Variants in CHD7 observed in about 807,000 individuals in gnomAD.
The protein encoded by CHD7 is chromodomain helicase DNA binding protein 7.
Under a neutral mutation model 307.3 loss-of-function variants are expected in CHD7, and 24 were observed. That is an observed-to-expected ratio of 0.08 (90% CI 0.06 to 0.11). CHD7 has a LOEUF of 0.11. Ranked by LOEUF, CHD7 falls within the 10% of genes least tolerant of loss-of-function variation. CHD7 has a pLI of 1.00. For synonymous variants in CHD7, 1,363 were observed against 1,349.9 expected, an observed-to-expected ratio of 1.01 and a Z score of -0.21; for missense variants, 3,106 against 3,727.1, an observed-to-expected ratio of 0.83 and a Z score of 4.34.
At chr8:60,807,257 G>A (rs184094878) in intron 6 of CHD7, among the ~76,000 whole-genome samples, 28 of 152,298 alleles carry the variant, frequency 1.8e-4, no homozygotes, top group Non-Finnish European at 2.6e-4. Context: ...TGGCTGAACA[G>A]CCATACATGA....
chr8:60,794,932 G>T, intron 3 of CHD7, 54 bp from the exon 4 acceptor site: 1 of 1,500,718 alleles, frequency 6.7e-7, no homozygotes, highest in South Asian at 1.3e-5. Context: ...AAATATAAGA[G>T]ACATGCAGAA....
intron 2 of CHD7, among the ~76,000 whole-genome samples, chr8:60,767,921 C>G (rs754965642): frequency 6.6e-6 from 1 of 152,062 alleles, no homozygotes; most frequent in African/African-American, 2.4e-5. Context: ...AAAGTTACTG[C>G]GAGAAAACCT....
chr8:60,680,482 G>A (rs1805564052), intron 1 of CHD7, among the ~76,000 whole-genome samples: 1 of 150,764 alleles, frequency 6.6e-6, no homozygotes, highest in Non-Finnish European at 1.5e-5. Flanking sequence ...GGAAGGAGCC[G>A]CCGGCCCCGA....
At chr8:60,772,441 G>A (rs961428840) in intron 2 of CHD7, among the ~76,000 whole-genome samples, 8 of 152,146 alleles carry the variant, frequency 5.3e-5, no homozygotes, top group African/African-American at 1.9e-4. Flanking sequence ...ACCAAATTCT[G>A]CATTTCTTCT....
In CHD7 at chr8:60,781,374, A is replaced by T. The variant is rs1811221292; in HGVS notation, c.2040A>T (p.Pro680=). 1 of 1,541,276 alleles carries T rather than the reference A, an allele frequency of 6.5e-7. No individual in the cohort carries two copies. The change falls in exon 3 of 38, where the codon CCA becomes CCT. Residue 680 remains proline (P), a synonymous_variant. Transcript: ENST00000423902. ...TPKAPKIPKE[P]KEKKAKTATP... ...AAGCCCCTAAGATTCCCAAAGAGCC[A>T]AAGGAAAAGAAAGCAAAAACTGCCA...
chr8:60,712,883 C>G (rs1365015906), intron 1 of CHD7, among the ~76,000 whole-genome samples: 1 of 151,898 alleles, frequency 6.6e-6, no homozygotes, highest in Non-Finnish European at 1.5e-5. Context: ...AACTCCTTCT[C>G]CACTAAAAAT....
chr8:60,822,426 G>A (rs1203795513), intron 11 of CHD7, 77 bp from the exon 12 acceptor site: 8 of 1,389,060 alleles, frequency 5.8e-6, no homozygotes, highest in Non-Finnish European at 8.0e-6. Flanking sequence ...GGGTACAATG[G>A]TATATATTTT....
chr8:60,845,492 G>T (rs1805166366), intron 23 of CHD7, 83 bp downstream of exon 23: 1 of 1,447,758 alleles, frequency 6.9e-7, no homozygotes, highest in Non-Finnish European at 9.4e-7. Context: ...CTTCACGTCT[G>T]CAGATGCAGA....
chr8:60,816,589 C>G lies in CHD7; in HGVS notation c.2613+88C>G, dbSNP rs965933578. The G allele has an allele frequency of 1.6e-5, 12 of 753,178 alleles. No homozygotes were observed. The Admixed American group carries it at 2.0e-4, about 12-fold the overall frequency. The allele number at this position is 753,178 out of a possible 1,614,324, so 46.7% of individuals were successfully genotyped here. A position where few individuals can be genotyped will look rare whatever the true frequency, so the allele number is the denominator to read the frequency against. On this transcript the variant is annotated intron_variant, in intron 8 of 37. Coordinates refer to ENST00000423902, the MANE Select transcript of CHD7 (RefSeq NM_017780.4). ...TTTTAGTTCCATGAATTAAGAAAAA[C>G]TAGTTAGTCTCATTTGGTGCTGTCA... is the stretch of plus-strand genomic sequence containing the variant.
intron 33 of CHD7, 49 bp from the exon 34 acceptor site, chr8:60,856,396 G>A: frequency 6.6e-7 from 1 of 1,520,664 alleles, no homozygotes; most frequent in African/African-American, 1.4e-5. Context: ...CCATATAGCA[G>A]TACTGTTTTG....
intron 15 of CHD7, among the ~76,000 whole-genome samples, chr8:60,835,383 G>A (rs922561709): frequency 1.3e-5 from 2 of 152,132 alleles, no homozygotes; most frequent in African/African-American, 4.8e-5. Context: ...ACACTTAAAG[G>A]TTTGTTTGTT....
At chr8:60,738,900 A>G (rs1808843452) in intron 1 of CHD7, among the ~76,000 whole-genome samples, 2 of 152,200 alleles carry the variant, frequency 1.3e-5, no homozygotes, top group African/African-American at 2.4e-5. Context: ...GGCGTAGGGA[A>G]CAGGAAGAGG....
intron 2 of CHD7, among the ~76,000 whole-genome samples, chr8:60,773,689 A>G (rs1164554880): frequency 2.0e-5 from 3 of 152,208 alleles, no homozygotes; most frequent in Admixed American, 6.5e-5. Flanking sequence ...AAGGCAGGGC[A>G]AGGAGCGGGC....
intron 1 of CHD7, among the ~76,000 whole-genome samples, chr8:60,684,256 C>A (rs965995835): frequency 2.0e-5 from 3 of 152,156 alleles, no homozygotes; most frequent in Non-Finnish European, 4.4e-5. Flanking sequence ...TTTAAAGTGA[C>A]CCTTTGAGCC....
At chr8:60,769,698 A>T (rs1374302441) in intron 2 of CHD7, among the ~76,000 whole-genome samples, 2 of 152,188 alleles carry the variant, frequency 1.3e-5, no homozygotes, top group African/African-American at 4.8e-5. Context: ...TGACGGAACG[A>T]TGGTGAATTT....
At chr8:60,717,410 G>T (rs76897470) in intron 1 of CHD7, among the ~76,000 whole-genome samples, 2 of 152,144 alleles carry the variant, frequency 1.3e-5, no homozygotes, top group Non-Finnish European at 2.9e-5. Context: ...CTAGCACTAT[G>T]TATTTTGTTT....
intron 13 of CHD7, among the ~76,000 whole-genome samples, chr8:60,826,504 G>C (rs1035222998): frequency 6.6e-6 from 1 of 152,184 alleles, no homozygotes; most frequent in Non-Finnish European, 1.5e-5. Context: ...TCAAAATAGT[G>C]GTTAGTAACT....
chr8:60,800,035 C>G (rs180922123), intron 4 of CHD7, among the ~76,000 whole-genome samples: 7 of 144,836 alleles, frequency 4.8e-5, no homozygotes, highest in Admixed American at 1.4e-4. Context: ...GAACATTTTT[C>G]TTTTTTTTTT....
chr8:60,840,490 T>C (rs1303197916), intron 19 of CHD7, among the ~76,000 whole-genome samples: 1 of 152,180 alleles, frequency 6.6e-6, no homozygotes. Flanking sequence ...TCTGACTCCA[T>C]TGATTTTGCC....
Sources: gnomAD v4.1 joint callset for allele counts (sites outside exome capture counted in the v4.1 genomes callset) on GRCh38, gnomAD v4.1.1 for gene constraint, MANE v1.5 for transcripts, NCBI Gene and HGNC (gene_info 2026-07-23, HGNC 2026-07-21) for gene names.